NDEL1: variants seen among roughly 807,000 people sequenced by gnomAD.
NDEL1 encodes the protein nuclear distribution protein nudE-like 1.
A neutral mutation model predicts 45.7 loss-of-function variants in NDEL1; 9 were observed. The observed-to-expected ratio is 0.20, with a 90% CI of 0.12 to 0.34. The LOEUF is 0.34. Ranked by LOEUF, NDEL1 falls within the 10% of genes least tolerant of loss-of-function variation. NDEL1 has a pLI of 1.00. For synonymous variants in NDEL1, 133 were observed against 158.6 expected (o/e 0.84, Z 1.21); for missense variants, 306 against 406.2 (o/e 0.75, Z 2.12).
At chr17:8,449,281 C>G (rs1597541229) in intron 5 of NDEL1, among the ~76,000 whole-genome samples, 1 of 152,156 alleles carries the variant, frequency 6.6e-6, no homozygotes, top group East Asian at 1.9e-4. Flanking sequence ...GCGCCTGGCC[C>G]CATCCAGCTA....
At position 8,465,144 on chromosome 17, in the gene NDEL1, G is replaced by A. The variant is rs890980864; in HGVS notation, c.945-1786G>A. 1 of 152,252 alleles carries A rather than the reference G, an allele frequency of 6.6e-6. No homozygotes were observed. The highest frequency in any genetic ancestry group is 2.4e-5 in the African/African-American group (1 of 41,458). The allele number at this position is 152,252 out of a possible 1,614,324, so 9.4% of individuals were successfully genotyped here. Reference sequence around the variant, plus strand: ...TGCAGGCATTTGTGGGGCCTGCCTGGTTGTCCCTGAGGTTTCTAGGAGAAG... The same window carrying A: ...TGCAGGCATTTGTGGGGCCTGCCTGATTGTCCCTGAGGTTTCTAGGAGAAG... On this transcript the variant is annotated intron_variant, in intron 8 of 8. Transcript: ENST00000334527. The surrounding 1 kb of genome is among the most constrained non-coding windows in gnomAD (Gnocchi z 4.9).
intron 1 of NDEL1, among the ~76,000 whole-genome samples, chr17:8,414,433 C>T (rs778797494): frequency 3.3e-5 from 5 of 152,176 alleles, no homozygotes; most frequent in East Asian, 3.9e-4. Context: ...TTTGGGAGGC[C>T]AAGGCTGGCG....
chr17:8,413,140 C>A (rs1441586909), exon 1 of NDEL1: 1 of 141,720 alleles, frequency 7.1e-6, no homozygotes, highest in African/African-American at 2.8e-5. Context: ...CATTTCCCAT[C>A]CTTGCGTATC....
rs574118904 is a variant in NDEL1, at chr17:8,428,912, A to G, written c.-12-15348A>G. On this transcript the variant is annotated intron_variant, in intron 1 of 4. Coordinates refer to the NDEL1 transcript ENST00000582812. ...ATGGTCTCGATCTCCTGACCTTGTG[A>G]TCTGCCTGCCTTGGCCTCCCAAAGT... Among the ~76,000 whole-genome samples, 12 of 152,160 alleles carry G rather than the reference A, an allele frequency of 7.9e-5. No homozygotes were observed. In the East Asian group the frequency reaches 2.3e-3, roughly 29 times the overall value.
chr17:8,468,027 A>G lies in NDEL1; in HGVS notation c.*1004A>G, dbSNP rs1452133953. 6.6e-6 allele frequency: 1 copy of G among 152,604 alleles called. No homozygotes were observed. The highest frequency in any genetic ancestry group is 2.4e-5 in the African/African-American group (1 of 41,426). The allele number at this position is 152,604 out of a possible 1,614,324, so 9.5% of individuals were successfully genotyped here. ...GCTTTGTAGCTTTTATTTATTCAGA[A>G]CGCATACGGCATGTTAATGACTCTG... is the stretch of plus-strand genomic sequence containing the variant. On this transcript the variant is annotated 3_prime_UTR_variant, in exon 9 of 9. Coordinates refer to ENST00000334527, the MANE Select transcript of NDEL1 (RefSeq NM_030808.5).
chr17:8,451,950 T>C (rs1910530850), intron 6 of NDEL1, among the ~76,000 whole-genome samples: 1 of 152,228 alleles, frequency 6.6e-6, no homozygotes, highest in South Asian at 2.1e-4. Flanking sequence ...AAATAAAATA[T>C]AAAATTCAGT....
At position 8,459,993 on chromosome 17, in the gene NDEL1, T is replaced by A. The variant is rs1367195825; in HGVS notation, c.793-16T>A. The A allele has an allele frequency of 6.9e-6, 11 of 1,603,880 alleles. No individual in the cohort carries two copies. Among genetic ancestry groups the A allele is most frequent in the Non-Finnish European group, 9.4e-6 (11 of 1,175,832 alleles). On this transcript the variant is annotated splice_polypyrimidine_tract_variant and intron_variant, in intron 7 of 8. Coordinates refer to ENST00000334527, the MANE Select transcript of NDEL1 (RefSeq NM_030808.5). ...ACTGTTTTGACAACCATATCATTCCTCCTTCTTTTTTGTAGGCTTTAGAAT... is the reference window on the plus strand; with the variant it reads ...ACTGTTTTGACAACCATATCATTCCACCTTCTTTTTTGTAGGCTTTAGAAT...
At chr17:8,464,632 T>C (rs554895829) in intron 8 of NDEL1, 102 of 152,336 alleles carry the variant, frequency 6.7e-4, no homozygotes, top group African/African-American at 2.4e-3. Flanking sequence ...GGTTCTCTCT[T>C]TATAGTCTGG....
chr17:8,456,183 C>T (rs910421653), intron 7 of NDEL1, among the ~76,000 whole-genome samples: 5 of 152,182 alleles, frequency 3.3e-5, no homozygotes, highest in African/African-American at 4.8e-5. Context: ...TTGCCTGTTT[C>T]AGCTCATCAT....
chr17:8,461,529 C>T (rs940804282), intron 8 of NDEL1: 3 of 152,150 alleles, frequency 2.0e-5, no homozygotes, highest in African/African-American at 4.8e-5. Flanking sequence ...CTGGGCTTGC[C>T]GCCGCGCCCA....
chr17:8,438,641 G>C (rs1280792377), intron 1 of NDEL1, among the ~76,000 whole-genome samples: 5 of 151,792 alleles, frequency 3.3e-5, no homozygotes, highest in Non-Finnish European at 7.4e-5. Context: ...ACAGTCTCAC[G>C]AGTAGCTGGG....
At chr17:8,435,881 G>A (rs1909284605), upstream of NDEL1, 1 of 447,608 alleles carries the variant, frequency 2.2e-6, no homozygotes, top group African/African-American at 2.1e-5. Flanking sequence ...CGGACACCCA[G>A]GCAGTCCCTG....
intron 4 of NDEL1, among the ~76,000 whole-genome samples, chr17:8,447,970 C>T (rs1348898050): frequency 9.3e-4 from 5 of 5,394 alleles, no homozygotes; most frequent in Admixed American, 2.5e-3. Flanking sequence ...AGATTGGTTG[C>T]GGGGAGGTGG....
At chr17:8,414,371 G>GA (rs1908493305) in intron 1 of NDEL1, among the ~76,000 whole-genome samples, 2 of 152,122 alleles carry the variant, frequency 1.3e-5, no homozygotes, top group South Asian at 4.1e-4. Context: ...ATTCCCTTAA[G>GA]AAATGTCGTA....
At position 8,450,927 on chromosome 17, in the gene NDEL1, C is replaced by T. The variant is rs200227152; in HGVS notation, c.674C>T (p.Thr225Met). ...SLPATPVGKG[T>M]ENTFPSPKAI... The stretch of plus-strand genomic sequence containing the variant: ...CCAGCTACCCCTGTTGGCAAAGGAA[C>T]GGAGAACACTTTTCCTTCACCGAAA... The change falls in exon 6 of 9, where the codon ACG (threonine) becomes ATG (methionine). Residue 225 changes from threonine (T) to methionine (M), a missense_variant. By Grantham distance (81) the Thr-to-Met change is moderately conservative. Around this residue, in one of 3 missense-constraint regions of NDEL1, gnomAD observed 175 missense variants for 205.2 expected, o/e 0.85. Transcript: ENST00000334527. 59 of 1,609,492 alleles carry T rather than the reference C, an allele frequency of 3.7e-5. No individual in the cohort carries two copies. The Middle Eastern group carries it at 6.6e-4, about 18-fold the overall frequency.
At chr17:8,439,423 T>C (rs2151708263) in intron 1 of NDEL1, among the ~76,000 whole-genome samples, 2 of 92,054 alleles carry the variant, frequency 2.2e-5, no homozygotes, top group South Asian at 3.6e-4. Flanking sequence ...TTTTTTTTTT[T>C]TCATATTTTC....
intron 8 of NDEL1, chr17:8,463,159 C>A: frequency 1.7e-4 from 86 of 499,894 alleles, no homozygotes; most frequent in East Asian, 2.9e-4. Context: ...TCTTTTTTTT[C>A]CCATAACTTT....
chr17:8,469,734 C>T (rs868779722), downstream of NDEL1, among the ~76,000 whole-genome samples: 16 of 148,602 alleles, frequency 1.1e-4, no homozygotes, highest in Admixed American at 3.4e-4. Context: ...GATGGAGTCT[C>T]GCTCTGTCGC....
intron 4 of NDEL1, among the ~76,000 whole-genome samples, chr17:8,447,982 C>CGGAGGGGGGGAGGGGGG (rs1910197536): frequency 9.3e-6 from 1 of 107,714 alleles, no homozygotes; most frequent in African/African-American, 3.5e-5. Flanking sequence ...GGGAGGTGGG[C>CGGAGGGGGGGAGGGGGG]GGGGGGGGGG....
Sources: gnomAD v4.1 joint callset for allele counts (sites outside exome capture counted in the v4.1 genomes callset) on GRCh38, gnomAD v4.1.1 for gene constraint, gnomAD v4.1.1 regional missense constraint, Gnocchi (gnomAD v3.1) non-coding constraint, MANE v1.5 for transcripts, NCBI Gene and HGNC (gene_info 2026-07-23, HGNC 2026-07-21) for gene names.